SOX5: variants seen among roughly 807,000 people sequenced by gnomAD.
The protein encoded by SOX5 is SRY-box transcription factor 5, also known as transcription factor SOX-5.
In SOX5, 9 loss-of-function variants were observed where a neutral mutation model predicts 92.0. The ratio of observed to expected loss-of-function variants is 0.10; its 90% CI spans 0.06 to 0.17. The LOEUF (loss-of-function observed/expected upper bound fraction) is 0.17. SOX5 is among the 10% of genes least tolerant of loss of function. SOX5 has a pLI of 1.00. For missense variants in SOX5, 642 were observed against 944.5 expected (o/e 0.68, Z 4.20); for synonymous variants, 344 against 336.3 (o/e 1.02, Z -0.25).
chr12:24,370,897 C>T (rs1956671898), intron 1 of SOX5, among the ~76,000 whole-genome samples: 1 of 152,096 alleles, frequency 6.6e-6, no homozygotes, highest in African/African-American at 2.4e-5. Context: ...AAGAAAATGC[C>T]TTGTTAATTT....
intron 1 of SOX5, among the ~76,000 whole-genome samples, chr12:24,469,351 T>C (rs1162190125): frequency 6.6e-6 from 1 of 152,188 alleles, no homozygotes; most frequent in Non-Finnish European, 1.5e-5. Context: ...CACGGACCAG[T>C]ACCGGGTGTT....
chr12:23,547,146 A>C (rs1943294776), intron 11 of SOX5, among the ~76,000 whole-genome samples: 1 of 152,188 alleles, frequency 6.6e-6, no homozygotes, highest in Non-Finnish European at 1.5e-5. Context: ...ATTTCAAAAT[A>C]AATTATTTTT....
At chr12:24,085,398 T>G (rs1177184159) in intron 4 of SOX5, among the ~76,000 whole-genome samples, 1 of 152,110 alleles carries the variant, frequency 6.6e-6, no homozygotes, top group Non-Finnish European at 1.5e-5. Flanking sequence ...TTTACAGAGG[T>G]CAACTAACTT....
At chr12:24,338,781 C>A (rs1457747838) in intron 2 of SOX5, among the ~76,000 whole-genome samples, 2 of 152,154 alleles carry the variant, frequency 1.3e-5, no homozygotes, top group African/African-American at 2.4e-5. Context: ...TTCCCCTGTA[C>A]ACGCTCTCTT....
chr12:23,806,688 G>A (rs1375367201), intron 3 of SOX5, among the ~76,000 whole-genome samples: 1 of 149,792 alleles, frequency 6.7e-6, no homozygotes, highest in South Asian at 2.1e-4. Flanking sequence ...TTATTAAGTT[G>A]CAGTCGTTTT....
chr12:23,677,547 G>A (rs528169400), intron 6 of SOX5, among the ~76,000 whole-genome samples: 25 of 152,242 alleles, frequency 1.6e-4, no homozygotes, highest in South Asian at 6.2e-4. Flanking sequence ...GACATGATCC[G>A]TATATGTGGA....
At chr12:24,187,914 C>A (rs1336840472) in intron 4 of SOX5, among the ~76,000 whole-genome samples, 2 of 152,182 alleles carry the variant, frequency 1.3e-5, no homozygotes, top group East Asian at 3.8e-4. Context: ...CACTACTTAG[C>A]AACGGAGTTT....
At chr12:23,733,935 A>T (rs1404320001) in intron 6 of SOX5, among the ~76,000 whole-genome samples, 2 of 152,134 alleles carry the variant, frequency 1.3e-5, no homozygotes, top group African/African-American at 4.8e-5. Context: ...ACACTATGCT[A>T]AGGCTCTTTA....
At chr12:24,551,599 A>C (rs1353576186) in intron 1 of SOX5, among the ~76,000 whole-genome samples, 1 of 152,198 alleles carries the variant, frequency 6.6e-6, no homozygotes, top group Non-Finnish European at 1.5e-5. Context: ...TCACACGGAG[A>C]ACAAATAGAC....
intron 7 of SOX5, among the ~76,000 whole-genome samples, chr12:23,648,104 A>G (rs2081101922): frequency 6.6e-6 from 1 of 152,182 alleles, no homozygotes; most frequent in Non-Finnish European, 1.5e-5. Context: ...CAAAACAATT[A>G]TAACTATAAT....
At chr12:24,404,126 T>C (rs1163510426) in intron 1 of SOX5, among the ~76,000 whole-genome samples, 3 of 152,182 alleles carry the variant, frequency 2.0e-5, no homozygotes, top group Non-Finnish European at 4.4e-5. Flanking sequence ...TAAGCTATCA[T>C]TATCATTATC....
intron 13 of SOX5, among the ~76,000 whole-genome samples, chr12:23,538,328 T>C (rs1405400788): frequency 1.3e-5 from 2 of 152,218 alleles, no homozygotes; most frequent in Non-Finnish European, 2.9e-5. Context: ...AATATAGATT[T>C]TTCCAAATCT....
chr12:24,454,969 C>T (rs931864921), intron 1 of SOX5, among the ~76,000 whole-genome samples: 1 of 152,166 alleles, frequency 6.6e-6, no homozygotes, highest in Non-Finnish European at 1.5e-5. Flanking sequence ...TGTTTGACAT[C>T]CTATTTTCAG....
intron 4 of SOX5, among the ~76,000 whole-genome samples, chr12:24,129,944 T>C (rs1390926459): frequency 6.6e-6 from 1 of 152,228 alleles, no homozygotes; most frequent in South Asian, 2.1e-4. Flanking sequence ...AACATGCCCA[T>C]GGTAAAAACT....
At position 24,143,736 on chromosome 12, in the gene SOX5, CACTCT is replaced by C. The variant is rs149119818; in HGVS notation, c.-2+69602_-2+69606del. On this transcript the variant is annotated intron_variant, in intron 4 of 4. Coordinates refer to the SOX5 transcript ENST00000446891. ...TGAACAGAATCAGTGAGTTGTGGGA[CACTCT>C]ACTCTGGGAACTGTGCATTCTTACA... 8.1e-3 allele frequency among the ~76,000 whole-genome samples: 1,225 copies of C among 151,894 alleles called. 19 individuals are homozygous for C. Among genetic ancestry groups the C allele is most frequent in the African/African-American group, 0.028 (1,167 of 41,366 alleles).
At chr12:23,776,464 C>T (rs1028931564) in intron 3 of SOX5, among the ~76,000 whole-genome samples, 3 of 152,144 alleles carry the variant, frequency 2.0e-5, no homozygotes, top group Non-Finnish European at 4.4e-5. Flanking sequence ...AGAAACAGAA[C>T]TTTAGAGTTG....
intron 1 of SOX5, among the ~76,000 whole-genome samples, chr12:24,506,823 C>T (rs189676233): frequency 0.024 from 2,392 of 99,926 alleles, 79 homozygotes; most frequent in African/African-American, 0.088. Flanking sequence ...GGGAGTCTCG[C>T]TCTGTCGCCC....
chr12:24,173,251 CAA>C (rs1954405031), intron 4 of SOX5, among the ~76,000 whole-genome samples: 1 of 152,210 alleles, frequency 6.6e-6, no homozygotes, highest in African/African-American at 2.4e-5. Flanking sequence ...GAAGTATCTG[CAA>C]ACAAGATGGT....
chr12:23,709,310 G>T (rs972095262), intron 6 of SOX5, among the ~76,000 whole-genome samples: 1 of 151,878 alleles, frequency 6.6e-6, no homozygotes, highest in Admixed American at 6.6e-5. Context: ...TCCCTGTGCT[G>T]CCCAGACTGG....
Sources: gnomAD v4.1 joint callset for allele counts (sites outside exome capture counted in the v4.1 genomes callset) on GRCh38, gnomAD v4.1.1 for gene constraint, MANE v1.5 for transcripts, NCBI Gene and HGNC (gene_info 2026-07-23, HGNC 2026-07-21) for gene names.